Variants in HMGXB3 observed in about 807,000 individuals in gnomAD.
The protein encoded by HMGXB3 is HMG-box containing 3.
Under a neutral mutation model 121.5 loss-of-function variants are expected in HMGXB3, and 45 were observed. The ratio of observed to expected loss-of-function variants is 0.37; its 90% CI spans 0.29 to 0.47. The LOEUF is 0.47. Among genes scored for constraint, HMGXB3 ranks in the 20% least tolerant of loss-of-function variants. The probability of loss-of-function intolerance (pLI) is 0.99; values close to 1 mark genes in which losing one functional copy is unlikely to be tolerated. For missense variants in HMGXB3, 1,376 were observed against 1,602.2 expected (o/e 0.86, Z 2.41); for synonymous variants, 590 against 624.1 (o/e 0.95, Z 0.81).
At position 150,052,323 on chromosome 5, in the gene HMGXB3, A is replaced by C; in HGVS notation, c.*131A>C. ...GGCCTCTGACTGCTGGGACTGACCA[A>C]AGAGCTTCCATTCCCTGAGCATGGT... is the stretch of plus-strand genomic sequence containing the variant. On this transcript the variant is annotated 3_prime_UTR_variant, in exon 20 of 20. Transcript: ENST00000502717. The C allele has an allele frequency of 1.4e-6, 1 of 707,588 alleles. No homozygotes were observed. Among genetic ancestry groups the C allele is most frequent in the South Asian group, 1.9e-5 (1 of 52,202 alleles). The allele number at this position is 707,588 out of a possible 1,614,324, so 43.8% of individuals were successfully genotyped here.
chr5:150,038,743 T>C (rs1341955039), intron 13 of HMGXB3, among the ~76,000 whole-genome samples: 1 of 152,230 alleles, frequency 6.6e-6, no homozygotes, highest in Non-Finnish European at 1.5e-5. Context: ...AGTTAATCCT[T>C]TGAGAGTCAT....
At chr5:150,019,490 T>G (rs776287897) in intron 6 of HMGXB3, among the ~76,000 whole-genome samples, 1 of 152,224 alleles carries the variant, frequency 6.6e-6, no homozygotes, top group Non-Finnish European at 1.5e-5. Flanking sequence ...CTGTGTATGC[T>G]TGGTGCGAAC....
chr5:150,012,105 GATAATC>G (rs1755853502), intron 4 of HMGXB3, 144 bp from the exon 5 acceptor site: 2 of 603,416 alleles, frequency 3.3e-6, no homozygotes, highest in Non-Finnish European at 6.0e-6. Flanking sequence ...AACTTTTTGA[GATAATC>G]ATAAATTCAT....
chr5:150,011,888 A>G (rs1755849408), intron 4 of HMGXB3, among the ~76,000 whole-genome samples: 1 of 152,130 alleles, frequency 6.6e-6, no homozygotes, highest in Non-Finnish European at 1.5e-5. Context: ...CTGGGATTAC[A>G]GGCGTGAGCC....
At chr5:150,036,257 C>A (rs1756498978) in intron 11 of HMGXB3, among the ~76,000 whole-genome samples, 1 of 152,110 alleles carries the variant, frequency 6.6e-6, no homozygotes, top group Admixed American at 6.5e-5. Flanking sequence ...GTGCTTGATA[C>A]CAGAAGTGTT....
At chr5:150,009,973 CAA>C (rs1755790497) in intron 3 of HMGXB3, 136 bp from the exon 4 acceptor site, 1 of 919,482 alleles carries the variant, frequency 1.1e-6, no homozygotes, top group African/African-American at 1.7e-5. Flanking sequence ...TGAATTAGGT[CAA>C]GAGAGTAGAG....
At chr5:150,007,812 T>C in intron 3 of HMGXB3, among the ~76,000 whole-genome samples, 1 of 152,144 alleles carries the variant, frequency 6.6e-6, no homozygotes, top group East Asian at 1.9e-4. Flanking sequence ...CCCAGCACTT[T>C]AGGAGGCTGA....
intron 2 of HMGXB3, among the ~76,000 whole-genome samples, chr5:150,005,490 T>C (rs1755676376): frequency 6.6e-6 from 1 of 150,668 alleles, no homozygotes; most frequent in African/African-American, 2.4e-5. Flanking sequence ...TCCCAGCTGC[T>C]TGGGAGGCTG....
At chr5:150,047,055 G>A (rs1025989591) in intron 16 of HMGXB3, among the ~76,000 whole-genome samples, 1 of 151,636 alleles carries the variant, frequency 6.6e-6, no homozygotes, top group Non-Finnish European at 1.5e-5. Flanking sequence ...ACCACACCTG[G>A]CTAATTTTTT....
intron 13 of HMGXB3, among the ~76,000 whole-genome samples, 176 bp downstream of exon 13, chr5:150,037,703 G>A (rs907072521): frequency 1.3e-5 from 2 of 152,192 alleles, no homozygotes. Context: ...CCTCTCAAGT[G>A]TTGAAGCTCT....
chr5:150,007,313 T>C (rs1453305406), intron 3 of HMGXB3, among the ~76,000 whole-genome samples: 1 of 152,242 alleles, frequency 6.6e-6, no homozygotes, highest in Admixed American at 6.5e-5. Flanking sequence ...TTTAAACTGC[T>C]GGGTTTTTGT....
At chr5:150,015,253 G>A (rs181125647) in intron 5 of HMGXB3, 1 of 188,370 alleles carries the variant, frequency 5.3e-6, no homozygotes, top group East Asian at 1.3e-4. Context: ...TCTTAAGGTA[G>A]AAGCTGATGT....
chr5:150,031,631 C>G (rs1215196162), intron 10 of HMGXB3, among the ~76,000 whole-genome samples: 1 of 152,258 alleles, frequency 6.6e-6, no homozygotes, highest in Admixed American at 6.5e-5. Context: ...TTGGCAGTTT[C>G]TCTAGCTGAT....
At position 150,012,272 on chromosome 5, in the gene HMGXB3, C is replaced by A; in HGVS notation, c.828C>A (p.Ser276Arg). The A allele has an allele frequency of 1.3e-6, 2 of 1,552,076 alleles. No individual in the cohort carries two copies. Among genetic ancestry groups the A allele is most frequent in the Non-Finnish European group, 1.7e-6 (2 of 1,146,928 alleles). ...VTVMRDSSESSSSAPATQFIM... is the reference protein window; with the variant it reads ...VTVMRDSSESRSSAPATQFIM... ...GCCCATAGGATTCCAGTGAGAGTAGCTCCTCTGCACCAGCCACACAGTTCA... is the reference window on the plus strand; with the variant it reads ...GCCCATAGGATTCCAGTGAGAGTAGATCCTCTGCACCAGCCACACAGTTCA... The change falls in exon 5 of 20, where the codon AGC becomes AGA. Residue 276 changes from serine to arginine, a missense_variant. Coordinates refer to ENST00000502717, the MANE Select transcript of HMGXB3 (RefSeq NM_014983.3).
intron 7 of HMGXB3, among the ~76,000 whole-genome samples, chr5:150,025,469 A>ATATG (rs1191041486): frequency 6.6e-6 from 1 of 151,286 alleles, no homozygotes; most frequent in Non-Finnish European, 1.5e-5. Context: ...TTGTATGCAA[A>ATATG]TATGTATGTG....
At chr5:150,047,385 G>GT (rs1250421880) in intron 16 of HMGXB3, 5 of 495,136 alleles carry the variant, frequency 1.0e-5, no homozygotes, top group East Asian at 3.4e-5. Flanking sequence ...TTATTTTAGG[G>GT]TTTTTTTCAG....
rs1021827100 is a variant in HMGXB3, at chr5:150,047,757, G to C, written c.3084G>C (p.Lys1028Asn). The C allele has an allele frequency of 1.9e-6, 3 of 1,551,750 alleles. No individual in the cohort carries two copies. The highest frequency in any genetic ancestry group is 2.6e-6 in the Non-Finnish European group (3 of 1,146,988). The change falls in exon 17 of 20, where the codon AAG becomes AAC. Residue 1028 changes from lysine to asparagine, a missense_variant and splice_region_variant. Transcript: ENST00000502717. ...CGIPFGAEDS[K>N]DQLCFSLLAL... is the part of the protein sequence containing the mutation. The stretch of plus-strand genomic sequence containing the variant: ...TCCCCTTTGGGGCAGAAGACTCCAA[G>C]GTGAGTGTCAAGGGCAGTGGTGGAT...
chr5:150,040,274 A>T (rs1275459165), intron 13 of HMGXB3, among the ~76,000 whole-genome samples: 1 of 152,160 alleles, frequency 6.6e-6, no homozygotes, highest in Non-Finnish European at 1.5e-5. Context: ...AATGGATTCC[A>T]TGTTGGAATA....
chr5:150,037,932 G>A (rs924249398), intron 13 of HMGXB3, among the ~76,000 whole-genome samples: 1 of 152,168 alleles, frequency 6.6e-6, no homozygotes, highest in Non-Finnish European at 1.5e-5. Flanking sequence ...ACAAAAGTAC[G>A]GTTGTGCTAG....
Sources: allele counts gnomAD v4.1 joint callset (sites outside exome capture counted in the v4.1 genomes callset), GRCh38; gene constraint gnomAD v4.1.1; transcripts MANE v1.5; gene names NCBI Gene and HGNC (gene_info 2026-07-23, HGNC 2026-07-21).